The following SEMA4B variants were observed in gnomAD, a reference collection of about 807,000 sequenced individuals.
SEMA4B encodes semaphorin 4B.
Under a neutral mutation model 88.1 loss-of-function variants are expected in SEMA4B, and 55 were observed. The ratio of observed to expected loss-of-function variants is 0.62; its 90% CI spans 0.50 to 0.78. SEMA4B has a LOEUF of 0.78. SEMA4B is among the 30% of genes least tolerant of loss of function. The pLI, the probability that SEMA4B is intolerant of heterozygous loss-of-function variation, is 0.00. For synonymous variants in SEMA4B, 525 were observed against 473.6 expected, an observed-to-expected ratio of 1.11 and a Z score of -1.41; for missense variants, 1,062 against 1,111.9, an observed-to-expected ratio of 0.96 and a Z score of 0.64.
At chr15:90,185,187 C>G (rs558296492) in intron 1 of SEMA4B, 72 of 559,520 alleles carry the variant, frequency 1.3e-4, no homozygotes, top group Non-Finnish European at 1.5e-4. Flanking sequence ...ACCCGCACCT[C>G]CCGCCCGGCC....
chr15:90,189,091 A>G (rs1960270112), intron 1 of SEMA4B, among the ~76,000 whole-genome samples: 1 of 152,110 alleles, frequency 6.6e-6, no homozygotes, highest in African/African-American at 2.4e-5. Flanking sequence ...GTGCACAAGA[A>G]ATATGTGTTG....
chr15:90,193,163 T>G (rs1960396894), intron 1 of SEMA4B: 1 of 152,292 alleles, frequency 6.6e-6, no homozygotes, highest in South Asian at 2.1e-4. Flanking sequence ...ACTGGCATTC[T>G]GGCTGAGAAA....
chr15:90,220,870 A>C, intron 4 of SEMA4B, 112 bp from the exon 5 acceptor site: 1 of 698,682 alleles, frequency 1.4e-6, no homozygotes, highest in Non-Finnish European at 2.6e-6. Flanking sequence ...TCTGTCCCAC[A>C]CACCTCACCT....
chr15:90,207,314 G>A (rs1478418714), intron 1 of SEMA4B, among the ~76,000 whole-genome samples: 1 of 128,640 alleles, frequency 7.8e-6, no homozygotes, highest in Non-Finnish European at 1.6e-5. Context: ...GGGTTTCAGT[G>A]GGGATGGTAG....
intron 1 of SEMA4B, among the ~76,000 whole-genome samples, chr15:90,203,901 C>A (rs972773852): frequency 6.6e-6 from 1 of 152,226 alleles, no homozygotes; most frequent in African/African-American, 2.4e-5. Context: ...GCTACCTGAA[C>A]TTGTGAGCAC....
chr15:90,193,995 G>T (rs1960423794), intron 1 of SEMA4B, among the ~76,000 whole-genome samples: 3 of 151,766 alleles, frequency 2.0e-5, no homozygotes, highest in African/African-American at 7.3e-5. Flanking sequence ...GGGATTATAG[G>T]TGTGCACCAC....
At chr15:90,196,115 A>C (rs1960496941) in intron 1 of SEMA4B, among the ~76,000 whole-genome samples, 1 of 146,016 alleles carries the variant, frequency 6.8e-6, no homozygotes, top group South Asian at 2.2e-4. Flanking sequence ...TTTTTAGTAG[A>C]GACGGGGTTT....
Position 90,228,496 on chromosome 15 carries a change from C to G in SEMA4B, c.2367C>G (p.Ser789=), listed in dbSNP as rs946308977. ...CGCTCGATCACCGAGGGTACCAGTC[C>G]CTGTCAGACAGCCCCCCGGGGTCCC... The part of the protein sequence containing the change: ...STPLDHRGYQ[S]LSDSPPGSRV... Residue 789 remains serine, a synonymous_variant, in exon 14 of 14, where the codon TCC becomes TCG. Coordinates refer to ENST00000411539, the MANE Select transcript of SEMA4B (RefSeq NM_198925.4). 8.1e-6 allele frequency: 13 copies of G among 1,611,242 alleles called. No homozygotes were observed. Among genetic ancestry groups the G allele is most frequent in the African/African-American group, 2.7e-5 (2 of 75,004 alleles).
chr15:90,201,273 AG>A, upstream of SEMA4B: 1 of 1,051,024 alleles, frequency 9.5e-7, no homozygotes, highest in Non-Finnish European at 1.2e-6. Flanking sequence ...GGAAGGGGGA[AG>A]GGGGCGGGCC....
chr15:90,227,526 G>C, intron 12 of SEMA4B, 31 bp from the exon 13 acceptor site: 1 of 1,608,532 alleles, frequency 6.2e-7, no homozygotes, highest in South Asian at 1.1e-5. Flanking sequence ...GGGACTTCCT[G>C]GCCAATCCCA....
intron 1 of SEMA4B, among the ~76,000 whole-genome samples, chr15:90,190,782 C>A (rs1427953383): frequency 6.6e-6 from 1 of 151,730 alleles, no homozygotes; most frequent in East Asian, 1.9e-4. Context: ...GCTCTGTGTG[C>A]ATGTGTGTGT....
rs777407157 is a variant in SEMA4B, at chr15:90,228,487, G to A, written c.2358G>A (p.Gly786=). 3.7e-6 allele frequency: 6 copies of A among 1,610,478 alleles called. No homozygotes were observed. The East Asian group carries it at 1.1e-4, about 30-fold the overall frequency. ...GPPSTPLDHR[G]YQSLSDSPPG... ...CTAGCACCCCGCTCGATCACCGAGGGTACCAGTCCCTGTCAGACAGCCCCC... is the reference window on the plus strand; with the variant it reads ...CTAGCACCCCGCTCGATCACCGAGGATACCAGTCCCTGTCAGACAGCCCCC... The change falls in exon 14 of 14, where the codon GGG becomes GGA. Residue 786 remains glycine (G), a synonymous_variant. Coordinates refer to ENST00000411539, the MANE Select transcript of SEMA4B (RefSeq NM_198925.4).
At chr15:90,218,123 C>T (rs1961626784) in intron 3 of SEMA4B, among the ~76,000 whole-genome samples, 1 of 152,192 alleles carries the variant, frequency 6.6e-6, no homozygotes, top group African/African-American at 2.4e-5. Context: ...AGGTGTAAGG[C>T]ACCTGGCTCA....
Position 90,228,787 on chromosome 15 carries a change from C to A in SEMA4B, c.*144C>A. The A allele has an allele frequency of 1.8e-6, 2 of 1,095,954 alleles. No individual in the cohort carries two copies. Among genetic ancestry groups the A allele is most frequent in the Non-Finnish European group, 2.6e-6 (2 of 779,622 alleles). 67.9% of individuals were successfully genotyped at this position (1,095,954 alleles called of 1,614,324 possible). A position where few individuals can be genotyped will look rare whatever the true frequency, so the allele number is the denominator to read the frequency against. ...GGGAGCCTTGGGGCCAGCTGGCCTGCTGCTCTCCAGTCAAGTAGCGAAGCT... is the reference window on the plus strand; with the variant it reads ...GGGAGCCTTGGGGCCAGCTGGCCTGATGCTCTCCAGTCAAGTAGCGAAGCT... On this transcript the variant is annotated 3_prime_UTR_variant, in exon 14 of 14. Coordinates refer to ENST00000411539, the MANE Select transcript of SEMA4B (RefSeq NM_198925.4).
intron 1 of SEMA4B, among the ~76,000 whole-genome samples, chr15:90,211,825 C>A (rs967151244): frequency 6.6e-6 from 1 of 152,182 alleles, no homozygotes; most frequent in African/African-American, 2.4e-5. Flanking sequence ...CCCTTCCCCA[C>A]CGACTCCACA....
At chr15:90,224,038 C>T in intron 9 of SEMA4B, 50 bp downstream of exon 9, 1 of 1,559,712 alleles carries the variant, frequency 6.4e-7, no homozygotes. Context: ...AGATGTGGGT[C>T]CCCACACCAT....
intron 1 of SEMA4B, among the ~76,000 whole-genome samples, chr15:90,188,584 C>T (rs1164290021): frequency 6.6e-6 from 1 of 151,848 alleles, no homozygotes; most frequent in Non-Finnish European, 1.5e-5. Flanking sequence ...GCCGAGATCG[C>T]ACCACTGCAC....
At chr15:90,226,596 C>G (rs1319028876) in intron 12 of SEMA4B, among the ~76,000 whole-genome samples, 12 of 152,224 alleles carry the variant, frequency 7.9e-5, no homozygotes, top group Non-Finnish European at 1.3e-4. Context: ...CCACCTTGGG[C>G]TCCCAGAGTG....
chr15:90,199,331 T>C (rs1891142422), upstream of SEMA4B, among the ~76,000 whole-genome samples: 1 of 152,076 alleles, frequency 6.6e-6, no homozygotes, highest in Non-Finnish European at 1.5e-5. Context: ...GGTCAGATTA[T>C]AGATTTTCTA....
Sources: allele counts gnomAD v4.1 joint callset (sites outside exome capture counted in the v4.1 genomes callset), GRCh38; gene constraint gnomAD v4.1.1; transcripts MANE v1.5; gene names NCBI Gene and HGNC (gene_info 2026-07-23, HGNC 2026-07-21).